SLC4A7: variants seen among roughly 807,000 people sequenced by gnomAD.
SLC4A7 encodes the protein sodium bicarbonate cotransporter 3.
SLC4A7 carries 51 observed loss-of-function variants against 137.6 expected under a neutral mutation model. That is an observed-to-expected ratio of 0.37 (90% confidence interval 0.30 to 0.47). SLC4A7 has a LOEUF of 0.47. Among genes scored for constraint, SLC4A7 ranks in the 20% least tolerant of loss-of-function variants. SLC4A7 has a pLI of 1.00. For synonymous variants in SLC4A7, 542 were observed against 518.6 expected (o/e 1.05, Z -0.61); for missense variants, 1,247 against 1,525.4 (o/e 0.82, Z 3.04).
At chr3:27,421,544 T>G (rs557105361) in intron 9 of SLC4A7, 78 bp downstream of exon 9, 1 of 1,073,574 alleles carries the variant, frequency 9.3e-7, no homozygotes, top group Non-Finnish European at 1.4e-6. Flanking sequence ...TAAATCAACA[T>G]GCTTGTTCAT....
intron 3 of SLC4A7, among the ~76,000 whole-genome samples, chr3:27,445,839 G>A (rs1213486463): frequency 6.9e-6 from 1 of 145,196 alleles, no homozygotes; most frequent in East Asian, 2.1e-4. Flanking sequence ...GGCTGAGGCA[G>A]GAGAATTGCT....
At chr3:27,408,641 T>C (rs1463426866) in intron 13 of SLC4A7, among the ~76,000 whole-genome samples, 1 of 152,182 alleles carries the variant, frequency 6.6e-6, no homozygotes. Flanking sequence ...TTACAAATCG[T>C]CTCATTTAAA....
At chr3:27,425,244 C>G (rs972415757) in intron 7 of SLC4A7, among the ~76,000 whole-genome samples, 1 of 151,830 alleles carries the variant, frequency 6.6e-6, no homozygotes, top group Non-Finnish European at 1.5e-5. Context: ...ATGGCGTGTG[C>G]CTGTAGTCCC....
intron 3 of SLC4A7, among the ~76,000 whole-genome samples, chr3:27,446,628 C>T (rs1222073344): frequency 6.6e-6 from 1 of 152,094 alleles, no homozygotes; most frequent in African/African-American, 2.4e-5. Context: ...ATTAGAGAAG[C>T]ATACTGATCC....
At chr3:27,391,964 T>A in intron 20 of SLC4A7, 156 bp from the exon 21 acceptor site, 1 of 465,752 alleles carries the variant, frequency 2.1e-6, no homozygotes. Flanking sequence ...TAATATACAA[T>A]AACCTGCTTG....
intron 13 of SLC4A7, among the ~76,000 whole-genome samples, chr3:27,407,491 A>G (rs2053498858): frequency 6.6e-6 from 1 of 151,870 alleles, no homozygotes. Context: ...AAAAAAAAAA[A>G]AAAATCAGCC....
Position 27,374,866 on chromosome 3 carries a change from G to A in SLC4A7, c.*1898C>T, listed in dbSNP as rs1373395367. 2 of 152,382 alleles carry A rather than the reference G, an allele frequency of 1.3e-5. No individual in the cohort carries two copies. Among genetic ancestry groups the A allele is most frequent in the Non-Finnish European group, 2.9e-5 (2 of 67,870 alleles). The allele number at this position is 152,382 out of a possible 1,614,324, so 9.4% of individuals were successfully genotyped here. On this transcript the variant is annotated 3_prime_UTR_variant, in exon 26 of 26. Coordinates refer to ENST00000454389, the MANE Select transcript of SLC4A7 (RefSeq NM_001321103.2). ...TTTAAAAATAGCAGCAAATACTGGG[G>A]TCTTTGGAAATAATTATGCTGCTAC...
rs1282444497 is a variant in SLC4A7 at position 27,431,463 on chromosome 3, T to A, written c.985A>T (p.Thr329Ser). 6.2e-7 allele frequency: 1 copy of A among 1,613,906 alleles called. No individual in the cohort carries two copies. The change falls in exon 7 of 26, where the codon ACC becomes TCC. Residue 329 changes from threonine (T) to serine (S), a missense_variant. Thr to Ser is a moderately conservative substitution (Grantham distance 58). This residue lies in a region of SLC4A7 where 223 missense variants were observed against 203.6 expected (regional missense o/e 1.10). Transcript: ENST00000454389. ...PPSSPSISRL[T>S]SRSSQESQRQ... ...TGACTCTCTTGGGAACTTCTGGAGGTCAGGCGGCTGATGCTAGGGCTAGAA... is the reference window on the plus strand; with the variant it reads ...TGACTCTCTTGGGAACTTCTGGAGGACAGGCGGCTGATGCTAGGGCTAGAA...
chr3:27,385,926 T>A lies in SLC4A7; in HGVS notation c.3458A>T (p.Lys1153Met). ...LDDLMPESKKKKEDDKKKKEK... is the reference protein window; with the variant it reads ...LDDLMPESKKMKEDDKKKKEK... The stretch of plus-strand genomic sequence containing the variant: ...TTTTTTCTTTTTGTCATCTTCTTTC[T>A]TTTTCTTACTTTCTGGCATAAGATC... The change falls in exon 23 of 26, where the codon AAG becomes ATG. Residue 1153 changes from lysine (K) to methionine (M), a missense_variant. Transcript: ENST00000454389. 1 of 1,582,540 alleles carries A rather than the reference T, an allele frequency of 6.3e-7. No individual in the cohort carries two copies. The highest frequency in any genetic ancestry group is 8.7e-7 in the Non-Finnish European group (1 of 1,155,286).
chr3:27,423,418 T>C (rs1332668968), intron 8 of SLC4A7, among the ~76,000 whole-genome samples: 1 of 152,362 alleles, frequency 6.6e-6, no homozygotes, highest in Admixed American at 6.5e-5. Context: ...TACATTCAGT[T>C]ACAATTTGAA....
At chr3:27,387,092 G>A (rs2051038415) in intron 22 of SLC4A7, among the ~76,000 whole-genome samples, 2 of 151,922 alleles carry the variant, frequency 1.3e-5, no homozygotes, top group Non-Finnish European at 2.9e-5. Context: ...CTATATTATG[G>A]TGGCTACACT....
At chr3:27,395,947 G>A (rs939341704) in intron 18 of SLC4A7, among the ~76,000 whole-genome samples, 1 of 151,986 alleles carries the variant, frequency 6.6e-6, no homozygotes, top group Non-Finnish European at 1.5e-5. Flanking sequence ...ATTTCCAAAG[G>A]AACTACTAAC....
At chr3:27,430,574 C>A (rs551460121) in intron 7 of SLC4A7, among the ~76,000 whole-genome samples, 1 of 137,480 alleles carries the variant, frequency 7.3e-6, no homozygotes, top group Non-Finnish European at 1.5e-5. Flanking sequence ...GAGCTGAGAT[C>A]ATGCCAGCCT....
At chr3:27,403,466 G>C (rs898651015) in intron 14 of SLC4A7, 82 bp from the exon 15 acceptor site, 4 of 842,394 alleles carry the variant, frequency 4.7e-6, no homozygotes, top group South Asian at 1.9e-5. Context: ...CAAGCAATGG[G>C]AACAGCAAGA....
intron 1 of SLC4A7, among the ~76,000 whole-genome samples, chr3:27,454,060 C>G (rs2058255757): frequency 6.6e-6 from 1 of 152,090 alleles, no homozygotes; most frequent in Non-Finnish European, 1.5e-5. Context: ...CCTGAAATCC[C>G]AGTACTTTGG....
chr3:27,448,091 A>C (rs1403649735), intron 3 of SLC4A7, among the ~76,000 whole-genome samples: 1 of 151,944 alleles, frequency 6.6e-6, no homozygotes, highest in Non-Finnish European at 1.5e-5. Context: ...GTGCGCCTGT[A>C]ATCTCAGCTA....
chr3:27,470,049 T>C (rs561838884), intron 1 of SLC4A7, among the ~76,000 whole-genome samples: 8 of 152,362 alleles, frequency 5.3e-5, no homozygotes, highest in Middle Eastern at 3.4e-3. Flanking sequence ...TAATTAAACA[T>C]TCCATGTATC....
chr3:27,463,326 A>T (rs2058798170), intron 1 of SLC4A7, among the ~76,000 whole-genome samples: 1 of 152,146 alleles, frequency 6.6e-6, no homozygotes, highest in African/African-American at 2.4e-5. Context: ...GCTACTCAGG[A>T]AGCTGGGGCA....
Position 27,383,222 on chromosome 3 carries a change from T to C in SLC4A7, c.3521A>G (p.Asp1174Gly), listed in dbSNP as rs749035172. The change falls in exon 24 of 26, where the codon GAT becomes GGT. Residue 1174 changes from aspartate to glycine, a missense_variant. This residue lies in a region of SLC4A7 where 290 missense variants were observed against 323.8 expected (regional missense o/e 0.90). Transcript: ENST00000454389. ...EEAERMLQDDDDTVHLPFEGG... is the reference protein window; with the variant it reads ...EEAERMLQDDGDTVHLPFEGG... Reference sequence around the variant, plus strand: ...TTCAAATGGAAGGTGCACAGTATCATCATCATCTTGAAGCATCCGTTCAGC... The same window carrying C: ...TTCAAATGGAAGGTGCACAGTATCACCATCATCTTGAAGCATCCGTTCAGC... The C allele has an allele frequency of 3.8e-5, 61 of 1,612,792 alleles. 1 individual carries two copies. In the South Asian group the frequency reaches 6.4e-4, roughly 17 times the overall value.
Sources: gnomAD v4.1 joint callset for allele counts (sites outside exome capture counted in the v4.1 genomes callset) on GRCh38, gnomAD v4.1.1 for gene constraint, gnomAD v4.1.1 regional missense constraint, MANE v1.5 for transcripts, NCBI Gene and HGNC (gene_info 2026-07-23, HGNC 2026-07-21) for gene names.